GABRB1: variants seen among roughly 807,000 people sequenced by gnomAD.
The protein encoded by GABRB1 is gamma-aminobutyric acid type A receptor subunit beta1.
GABRB1 carries 17 observed loss-of-function variants against 51.6 expected under a neutral mutation model. The ratio of observed to expected loss-of-function variants is 0.33; its 90% confidence interval spans 0.23 to 0.49. The LOEUF (loss-of-function observed/expected upper bound fraction) is 0.49. GABRB1 is among the 20% of genes least tolerant of loss of function. The pLI, the probability that GABRB1 is intolerant of heterozygous loss-of-function variation, is 0.99. For synonymous variants in GABRB1, 247 were observed against 218.9 expected (o/e 1.13, Z -1.14); for missense variants, 410 against 600.6 (o/e 0.68, Z 3.32).
At chr4:47,101,504 A>G (rs2109607953) in intron 3 of GABRB1, among the ~76,000 whole-genome samples, 1 of 152,168 alleles carries the variant, frequency 6.6e-6, no homozygotes, top group South Asian at 2.1e-4. Flanking sequence ...ATTCAGATAC[A>G]CAGAATTTTA....
chr4:47,325,379 G>A (rs1725225072), intron 5 of GABRB1, among the ~76,000 whole-genome samples: 1 of 150,456 alleles, frequency 6.6e-6, no homozygotes. Context: ...AGGTTGCAGT[G>A]AGCTGAGATG....
chr4:47,402,590 C>T (rs150170711), intron 5 of GABRB1, among the ~76,000 whole-genome samples: 1 of 152,252 alleles, frequency 6.6e-6, no homozygotes, highest in East Asian at 1.9e-4. Flanking sequence ...AGAGATTAGG[C>T]CATCAGCAAA....
chr4:47,353,153 C>T (rs1345182870), intron 5 of GABRB1, among the ~76,000 whole-genome samples: 3 of 152,172 alleles, frequency 2.0e-5, no homozygotes, highest in Non-Finnish European at 4.4e-5. Flanking sequence ...ATGGGGGAAA[C>T]CACCCCCATG....
intron 4 of GABRB1, among the ~76,000 whole-genome samples, chr4:47,179,588 T>C (rs930887939): frequency 2.0e-5 from 3 of 152,150 alleles, no homozygotes; most frequent in African/African-American, 7.2e-5. Flanking sequence ...TTTTACTTGC[T>C]TTCAATGTCT....
intron 4 of GABRB1, among the ~76,000 whole-genome samples, chr4:47,292,003 G>A (rs1248684787): frequency 6.6e-6 from 1 of 152,228 alleles, no homozygotes; most frequent in Admixed American, 6.5e-5. Flanking sequence ...GTGAGGACAT[G>A]AGATTTGGGA....
intron 3 of GABRB1, among the ~76,000 whole-genome samples, chr4:47,094,762 T>TAAA (rs34400036): frequency 8.2e-6 from 1 of 122,312 alleles, no homozygotes; most frequent in South Asian, 2.5e-4. Flanking sequence ...AACTTAAAGG[T>TAAA]AAAAAAAAAA....
chr4:47,042,602 A>C (rs1220207374), intron 3 of GABRB1, among the ~76,000 whole-genome samples: 1 of 151,272 alleles, frequency 6.6e-6, no homozygotes, highest in Non-Finnish European at 1.5e-5. Flanking sequence ...ATTGTTAAAG[A>C]ATAATTTGAT....
chr4:47,426,206 T>C lies in GABRB1; in HGVS notation c.*188T>C, dbSNP rs1409304057. ...CAAAAAGACAAAACAAAAAAAAAAT[T>C]ATTTTTCCAGTCTACCGTGGTCCAG... is the stretch of plus-strand genomic sequence containing the variant. On this transcript the variant is annotated 3_prime_UTR_variant, in exon 9 of 9. Coordinates refer to ENST00000295454, the MANE Select transcript of GABRB1 (RefSeq NM_000812.4). 2.1e-6 allele frequency: 1 copy of C among 478,410 alleles called. No individual in the cohort carries two copies. The highest frequency in any genetic ancestry group is 3.6e-6 in the Non-Finnish European group (1 of 276,512). 29.6% of individuals were successfully genotyped at this position (478,410 alleles called of 1,614,324 possible).
intron 3 of GABRB1, among the ~76,000 whole-genome samples, chr4:47,070,952 G>T (rs985230923): frequency 3.3e-5 from 5 of 152,026 alleles, no homozygotes; most frequent in Non-Finnish European, 1.5e-5. Context: ...TGTCTAATAC[G>T]CATCTCAAAT....
At chr4:47,026,692 T>C (rs563802839), upstream of GABRB1, among the ~76,000 whole-genome samples, 273 of 152,174 alleles carry the variant, frequency 1.8e-3, no homozygotes, top group African/African-American at 6.3e-3. Flanking sequence ...CATGGTCTTC[T>C]GTACTCAAAT....
chr4:47,392,269 A>C (rs1052796098), intron 5 of GABRB1, among the ~76,000 whole-genome samples: 1 of 151,660 alleles, frequency 6.6e-6, no homozygotes, highest in Non-Finnish European at 1.5e-5. Flanking sequence ...CCCTGGCAGC[A>C]GTCGCCAGAA....
At chr4:47,401,823 GCTATCTATCTATCTATCATCTAT>G (rs1728401237) in intron 5 of GABRB1, among the ~76,000 whole-genome samples, 1 of 36,976 alleles carries the variant, frequency 2.7e-5, no homozygotes, top group South Asian at 6.0e-4. Flanking sequence ...TATCTATCTA[GCTATCTATCTATCTATCATCTAT>G]CTATCTATCT....
intron 4 of GABRB1, among the ~76,000 whole-genome samples, chr4:47,188,128 T>G (rs1459319053): frequency 6.6e-6 from 1 of 151,994 alleles, no homozygotes; most frequent in Non-Finnish European, 1.5e-5. Context: ...TCCCAAAGAC[T>G]AGATCATGAT....
intron 3 of GABRB1, among the ~76,000 whole-genome samples, chr4:47,084,450 G>T (rs1727984440): frequency 6.6e-6 from 1 of 152,266 alleles, no homozygotes; most frequent in South Asian, 2.1e-4. Flanking sequence ...TGAATGCAAG[G>T]TGCCAAAGCA....
At chr4:47,384,883 A>C (rs2110033030) in intron 5 of GABRB1, among the ~76,000 whole-genome samples, 1 of 152,304 alleles carries the variant, frequency 6.6e-6, no homozygotes, top group East Asian at 1.9e-4. Flanking sequence ...GCAATGATGC[A>C]CATCTTTAAG....
chr4:47,406,543 T>A (rs1029909891), intron 7 of GABRB1, 139 bp from the exon 8 acceptor site: 3 of 969,332 alleles, frequency 3.1e-6, no homozygotes, highest in East Asian at 2.4e-5. Context: ...TCTGCCCTTT[T>A]TGCCCAATGG....
chr4:47,349,366 A>G (rs1726224128), intron 5 of GABRB1, among the ~76,000 whole-genome samples: 1 of 152,182 alleles, frequency 6.6e-6, no homozygotes, highest in Non-Finnish European at 1.5e-5. Flanking sequence ...GAGGAAAACC[A>G]TGGAGTGTTG....
At chr4:47,042,006 G>A (rs1725866310) in intron 3 of GABRB1, among the ~76,000 whole-genome samples, 1 of 151,954 alleles carries the variant, frequency 6.6e-6, no homozygotes, top group African/African-American at 2.4e-5. Flanking sequence ...AAAGACAAAA[G>A]ACCCAATATA....
chr4:47,173,369 G>T (rs991197094), intron 4 of GABRB1, among the ~76,000 whole-genome samples: 4 of 152,070 alleles, frequency 2.6e-5, no homozygotes, highest in African/African-American at 9.7e-5. Context: ...CTAAAGTATG[G>T]ACAACACTAG....
Sources: gnomAD v4.1 joint callset for allele counts (sites outside exome capture counted in the v4.1 genomes callset) on GRCh38, gnomAD v4.1.1 for gene constraint, MANE v1.5 for transcripts, NCBI Gene and HGNC (gene_info 2026-07-23, HGNC 2026-07-21) for gene names.